Variants in DGKG observed in about 807,000 individuals in gnomAD.
DGKG encodes diacylglycerol kinase gamma.
In DGKG, 78 loss-of-function variants were observed where a neutral mutation model predicts 105.3. That is an observed-to-expected ratio of 0.74 (90% confidence interval 0.62 to 0.89). The LOEUF is 0.89. Ranked by LOEUF, DGKG falls within the 40% of genes least tolerant of loss-of-function variation. The pLI is 0.00. For synonymous variants in DGKG, 346 were observed against 367.1 expected (o/e 0.94, Z 0.66); for missense variants, 958 against 1,020.1 (o/e 0.94, Z 0.83).
At chr3:186,205,309 C>T (rs199714172) in intron 21 of DGKG, among the ~76,000 whole-genome samples, 2 of 142,246 alleles carry the variant, frequency 1.4e-5, no homozygotes, top group East Asian at 4.2e-4. Flanking sequence ...TCAGCACTAA[C>T]ATGGAGTGAT....
At chr3:186,221,441 A>G (rs1719574788) in intron 20 of DGKG, among the ~76,000 whole-genome samples, 1 of 152,190 alleles carries the variant, frequency 6.6e-6, no homozygotes, top group Admixed American at 6.5e-5. Context: ...AATCCCCTTC[A>G]GGCTGATTTG....
chr3:186,359,221 C>T (rs1578881374), intron 1 of DGKG, among the ~76,000 whole-genome samples: 1 of 152,126 alleles, frequency 6.6e-6, no homozygotes, highest in South Asian at 2.1e-4. Context: ...AAAGTGGCTT[C>T]TCATATATAC....
intron 3 of DGKG, among the ~76,000 whole-genome samples, chr3:186,300,516 G>T (rs113192182): frequency 4.5e-4 from 69 of 152,058 alleles, no homozygotes; most frequent in African/African-American, 1.4e-3. Context: ...GTTCTGTTTT[G>T]GTTCTCTTCA....
At chr3:186,335,906 GC>G (rs1255448766) in intron 1 of DGKG, among the ~76,000 whole-genome samples, 1 of 152,160 alleles carries the variant, frequency 6.6e-6, no homozygotes, top group Admixed American at 6.6e-5. Flanking sequence ...GGATTAAATA[GC>G]TTTTAGTATG....
intron 20 of DGKG, among the ~76,000 whole-genome samples, chr3:186,240,807 G>GA (rs11311286): frequency 1.4e-3 from 196 of 138,866 alleles, no homozygotes; most frequent in African/African-American, 5.1e-3. Context: ...GAAACTCCAT[G>GA]AAAAAAAAAA....
intron 24 of DGKG, among the ~76,000 whole-genome samples, chr3:186,156,583 GT>G (rs1458300182): frequency 6.6e-6 from 1 of 151,618 alleles, no homozygotes; most frequent in Admixed American, 6.6e-5. Flanking sequence ...AAATTGCATT[GT>G]TTGTAGAGTT....
intron 21 of DGKG, among the ~76,000 whole-genome samples, chr3:186,198,457 C>G (rs1211026660): frequency 6.6e-6 from 1 of 152,228 alleles, no homozygotes; most frequent in African/African-American, 2.4e-5. Flanking sequence ...CCTACTTATT[C>G]TGTGCTAGAC....
intron 23 of DGKG, 21 bp downstream of exon 23, chr3:186,164,877 T>C (rs781619644): frequency 7.5e-6 from 12 of 1,602,486 alleles, no homozygotes; most frequent in South Asian, 3.4e-5. Flanking sequence ...GCAGAGGCTG[T>C]TGGGTGACAA....
intron 20 of DGKG, among the ~76,000 whole-genome samples, chr3:186,237,231 A>G (rs2108546579): frequency 6.6e-6 from 1 of 151,786 alleles, no homozygotes. Flanking sequence ...TCTTCTTTTT[A>G]TTAATTCCTC....
intron 21 of DGKG, among the ~76,000 whole-genome samples, chr3:186,191,136 A>T (rs1263016194): frequency 6.6e-6 from 1 of 152,186 alleles, no homozygotes; most frequent in African/African-American, 2.4e-5. Context: ...AGGTCTCCAG[A>T]CCTCAATCCT....
chr3:186,334,301 C>T (rs1348791203), intron 1 of DGKG, among the ~76,000 whole-genome samples: 1 of 152,210 alleles, frequency 6.6e-6, no homozygotes, highest in Admixed American at 6.5e-5. Flanking sequence ...CACCCTGCAT[C>T]TGTACTGCTT....
chr3:186,164,803 C>G, intron 23 of DGKG, 95 bp downstream of exon 23: 1 of 1,420,842 alleles, frequency 7.0e-7, no homozygotes, highest in South Asian at 1.4e-5. Context: ...TGCACTCTCC[C>G]TGCCCTAAAA....
intron 19 of DGKG, among the ~76,000 whole-genome samples, chr3:186,246,261 C>A (rs1359610460): frequency 6.6e-6 from 1 of 152,228 alleles, no homozygotes; most frequent in African/African-American, 2.4e-5. Flanking sequence ...TGTGAGCCCC[C>A]ACGCCTGGCC....
At chr3:186,329,117 A>G (rs2108649192) in intron 1 of DGKG, among the ~76,000 whole-genome samples, 1 of 152,190 alleles carries the variant, frequency 6.6e-6, no homozygotes, top group Middle Eastern at 3.4e-3. Context: ...TTACCACCCC[A>G]AGCATCTTTT....
chr3:186,270,697 A>G (rs1722273919), intron 11 of DGKG, among the ~76,000 whole-genome samples: 1 of 152,366 alleles, frequency 6.6e-6, no homozygotes, highest in South Asian at 2.1e-4. Context: ...GACTGGCCCT[A>G]GGTTCCAAGG....
chr3:186,296,683 C>T (rs575511096), intron 5 of DGKG, among the ~76,000 whole-genome samples: 3 of 152,244 alleles, frequency 2.0e-5, no homozygotes, highest in African/African-American at 4.8e-5. Context: ...TGTGTCCTCT[C>T]TCTCTATAGG....
intron 22 of DGKG, among the ~76,000 whole-genome samples, chr3:186,166,005 A>C (rs1043020392): frequency 3.3e-5 from 5 of 152,246 alleles, no homozygotes; most frequent in African/African-American, 9.6e-5. Context: ...GTCTATGTTA[A>C]TGCTATTGCT....
At chr3:186,356,418 G>T (rs767585223) in intron 1 of DGKG, among the ~76,000 whole-genome samples, 1 of 152,208 alleles carries the variant, frequency 6.6e-6, no homozygotes, top group Non-Finnish European at 1.5e-5. Context: ...CTGTGAGGGG[G>T]TGTGGGCAAG....
chr3:186,177,647 C>T (rs372383066), intron 22 of DGKG, among the ~76,000 whole-genome samples: 2 of 152,144 alleles, frequency 1.3e-5, no homozygotes, highest in South Asian at 4.1e-4. Flanking sequence ...TTTCTTGTCT[C>T]CTCCTCTGCA....
Sources: allele counts gnomAD v4.1 joint callset (sites outside exome capture counted in the v4.1 genomes callset), GRCh38; gene constraint gnomAD v4.1.1; transcripts MANE v1.5; gene names NCBI Gene and HGNC (gene_info 2026-07-23, HGNC 2026-07-21).